Variants in INPP4B observed in about 807,000 individuals in gnomAD.
INPP4B encodes the protein inositol polyphosphate-4-phosphatase type II B, also known as inositol polyphosphate 4-phosphatase type II.
INPP4B carries 55 observed loss-of-function variants against 122.5 expected under a neutral mutation model. The ratio of observed to expected loss-of-function variants is 0.45; its 90% CI spans 0.36 to 0.56. The LOEUF is 0.56. Among genes scored for constraint, INPP4B ranks in the 20% least tolerant of loss-of-function variants. The probability of loss-of-function intolerance (pLI) is 0.00; values close to 1 mark genes in which losing one functional copy is unlikely to be tolerated. For missense variants in INPP4B, 1,000 were observed against 1,097.7 expected (o/e 0.91, Z 1.26); for synonymous variants, 403 against 388.7 (o/e 1.04, Z -0.43).
chr4:142,087,062 G>T lies in INPP4B; in HGVS notation c.2375-806C>A, dbSNP rs563861059. On this transcript the variant is annotated intron_variant, in intron 23 of 25. Transcript: ENST00000262992. ...CAGCACTATTAACTTCTTGAATCAG[G>T]TAATATTTTGCTGGGAGGAAGACCA... Among the ~76,000 whole-genome samples the T allele has an allele frequency of 1.5e-4, 23 of 152,280 alleles. 2 individuals carry two copies. In the South Asian group the frequency reaches 4.6e-3, roughly 30 times the overall value.
At chr4:142,396,184 A>G (rs1484511830) in intron 7 of INPP4B, among the ~76,000 whole-genome samples, 1 of 152,190 alleles carries the variant, frequency 6.6e-6, no homozygotes, top group African/African-American at 2.4e-5. Flanking sequence ...AGGCTAAGCC[A>G]AAGACTAATA....
intron 25 of INPP4B, among the ~76,000 whole-genome samples, chr4:142,049,732 AAACT>A (rs1296458202): frequency 3.3e-5 from 5 of 152,038 alleles, no homozygotes; most frequent in Non-Finnish European, 7.4e-5. Context: ...ATAAGAAATA[AAACT>A]AACCATATAA....
chr4:142,638,350 T>C (rs1432741631), intron 2 of INPP4B, among the ~76,000 whole-genome samples: 2 of 152,174 alleles, frequency 1.3e-5, no homozygotes, highest in African/African-American at 2.4e-5. Context: ...CTATGGTTCA[T>C]TTTGAGTAAA....
chr4:142,195,268 T>A (rs555394639), intron 14 of INPP4B, among the ~76,000 whole-genome samples: 1 of 152,290 alleles, frequency 6.6e-6, no homozygotes, highest in East Asian at 1.9e-4. Flanking sequence ...TAATGGTGGC[T>A]GTCAAGAAAT....
intron 2 of INPP4B, among the ~76,000 whole-genome samples, chr4:142,725,093 AGATAGTAGCT>A: frequency 6.6e-6 from 1 of 152,104 alleles, no homozygotes; most frequent in Non-Finnish European, 1.5e-5. Flanking sequence ...ATCTCTTTTG[AGATAGTAGCT>A]TTATTCATAA....
At chr4:142,593,357 T>C (rs1737964843) in intron 2 of INPP4B, among the ~76,000 whole-genome samples, 1 of 152,168 alleles carries the variant, frequency 6.6e-6, no homozygotes, top group African/African-American at 2.4e-5. Flanking sequence ...TCACCTCTTA[T>C]ACTTCTGTTC....
chr4:142,051,697 G>T (rs577348524), intron 25 of INPP4B, among the ~76,000 whole-genome samples: 32 of 151,964 alleles, frequency 2.1e-4, no homozygotes, highest in Non-Finnish European at 4.4e-4. Context: ...CAACTAATTA[G>T]AAAATAAACC....
intron 1 of INPP4B, among the ~76,000 whole-genome samples, chr4:142,775,051 G>A (rs1487151209): frequency 6.6e-6 from 1 of 152,016 alleles, no homozygotes; most frequent in Non-Finnish European, 1.5e-5. Flanking sequence ...TCTTTCAACA[G>A]AAATTTGTCT....
intron 2 of INPP4B, among the ~76,000 whole-genome samples, chr4:142,610,922 C>G (rs1028850960): frequency 6.6e-6 from 1 of 152,146 alleles, no homozygotes. Flanking sequence ...AGTTCAAAAG[C>G]TTTCTTGGAC....
In INPP4B at chr4:142,347,408, G is replaced by C. The variant is rs188125812; in HGVS notation, c.373-32646C>G. On this transcript the variant is annotated intron_variant, in intron 7 of 25. Transcript: ENST00000262992. ...ATTTGGCCAGTGCTCTGAGGGAAAAGTGCAGCCCTTATCTTTATGAAGCAC... is the reference window on the plus strand; with the variant it reads ...ATTTGGCCAGTGCTCTGAGGGAAAACTGCAGCCCTTATCTTTATGAAGCAC... 3.4e-3 allele frequency: 1,234 copies of C among 363,818 alleles called. 5 individuals carry two copies. The highest frequency in any genetic ancestry group is 4.7e-3 in the Non-Finnish European group (888 of 187,136). The allele number at this position is 363,818 out of a possible 1,614,324, so 22.5% of individuals were successfully genotyped here.
intron 7 of INPP4B, among the ~76,000 whole-genome samples, chr4:142,349,587 A>G (rs536828714): frequency 6.6e-6 from 1 of 152,160 alleles, no homozygotes; most frequent in East Asian, 1.9e-4. Flanking sequence ...TATAAAATAC[A>G]GGCCTTTTTT....
At chr4:142,055,219 G>T (rs1756968784) in intron 25 of INPP4B, among the ~76,000 whole-genome samples, 1 of 152,076 alleles carries the variant, frequency 6.6e-6, no homozygotes, top group African/African-American at 2.4e-5. Flanking sequence ...ATACATTAAA[G>T]TTTGATGGTT....
chr4:142,824,636 C>A (rs778155791), intron 1 of INPP4B, among the ~76,000 whole-genome samples: 2 of 152,048 alleles, frequency 1.3e-5, no homozygotes, highest in Non-Finnish European at 1.5e-5. Context: ...AAATGAATTT[C>A]TTTAGTTATG....
intron 8 of INPP4B, among the ~76,000 whole-genome samples, chr4:142,314,449 C>T (rs183674029): frequency 1.3e-5 from 2 of 152,250 alleles, no homozygotes; most frequent in African/African-American, 4.8e-5. Flanking sequence ...AAACACAGTT[C>T]AGCTACCTGC....
chr4:142,039,106 T>C (rs552009516), intron 25 of INPP4B, among the ~76,000 whole-genome samples: 52 of 152,202 alleles, frequency 3.4e-4, no homozygotes, highest in Non-Finnish European at 6.3e-4. Context: ...CTAAAATTAC[T>C]TTCATCTTTA....
intron 9 of INPP4B, among the ~76,000 whole-genome samples, chr4:142,297,980 C>A (rs1375139832): frequency 1.3e-5 from 2 of 152,140 alleles, no homozygotes; most frequent in African/African-American, 4.8e-5. Flanking sequence ...TTACTACTTC[C>A]ATTAATAGAT....
intron 7 of INPP4B, among the ~76,000 whole-genome samples, chr4:142,381,738 C>G (rs983141728): frequency 2.0e-5 from 3 of 151,998 alleles, no homozygotes; most frequent in African/African-American, 7.2e-5. Context: ...ATATAATAAA[C>G]TGTAATATTA....
chr4:142,813,746 C>T (rs1177169304), intron 1 of INPP4B, among the ~76,000 whole-genome samples: 1 of 152,066 alleles, frequency 6.6e-6, no homozygotes, highest in Non-Finnish European at 1.5e-5. Context: ...TATATTGGGG[C>T]CTTATATCCT....
intron 25 of INPP4B, among the ~76,000 whole-genome samples, chr4:142,045,214 C>T (rs1407927607): frequency 1.3e-5 from 2 of 152,004 alleles, no homozygotes; most frequent in Non-Finnish European, 2.9e-5. Context: ...TGAACTGATC[C>T]CTTCTTCACA....
Sources: gnomAD v4.1 joint callset for allele counts (sites outside exome capture counted in the v4.1 genomes callset) on GRCh38, gnomAD v4.1.1 for gene constraint, MANE v1.5 for transcripts, NCBI Gene and HGNC (gene_info 2026-07-23, HGNC 2026-07-21) for gene names.